Variants in ASB4 observed in about 807,000 individuals in gnomAD.
The protein encoded by ASB4 is ankyrin repeat and SOCS box containing 4, also known as ankyrin repeat and SOCS box protein 4.
In ASB4, 35 loss-of-function variants were observed where a neutral mutation model predicts 38.6. The observed-to-expected ratio is 0.91, with a 90% CI of 0.69 to 1.20. The LOEUF (loss-of-function observed/expected upper bound fraction) is 1.20, where lower values mean the gene tolerates loss of function less well. Among genes scored for constraint, ASB4 ranks in the 50% most tolerant of loss-of-function variants. The pLI is 0.00. For missense variants in ASB4, 557 were observed against 527.2 expected, an observed-to-expected ratio of 1.06 and a Z score of -0.55; for synonymous variants, 195 against 201.3, an observed-to-expected ratio of 0.97 and a Z score of 0.26.
intron 2 of ASB4, among the ~76,000 whole-genome samples, chr7:95,507,678 A>G (rs987506546): frequency 2.0e-5 from 3 of 152,206 alleles, no homozygotes; most frequent in Non-Finnish European, 4.4e-5. Context: ...TGAATGTTCA[A>G]TTGACAACAA....
chr7:95,482,677 T>C (rs1358663035), upstream of ASB4, among the ~76,000 whole-genome samples: 2 of 152,170 alleles, frequency 1.3e-5, no homozygotes, highest in Non-Finnish European at 2.9e-5. Flanking sequence ...TGGAGGGAGA[T>C]CAATAGGCTT....
intron 3 of ASB4, among the ~76,000 whole-genome samples, chr7:95,530,362 G>A (rs774448844): frequency 6.6e-6 from 1 of 152,162 alleles, no homozygotes; most frequent in Non-Finnish European, 1.5e-5. Flanking sequence ...CTACTTGGGA[G>A]GCTGAGGCAG....
intron 3 of ASB4, chr7:95,528,744 T>A (rs1790781021): frequency 1.0e-6 from 1 of 984,304 alleles, no homozygotes; most frequent in Non-Finnish European, 1.2e-6. Flanking sequence ...AGCTAACGTT[T>A]ATTAAGTACT....
intron 2 of ASB4, among the ~76,000 whole-genome samples, chr7:95,513,894 A>G (rs1010824533): frequency 7.2e-5 from 11 of 152,176 alleles, no homozygotes; most frequent in Non-Finnish European, 1.3e-4. Flanking sequence ...CTGTCTGTCA[A>G]TTCTGGTCCA....
upstream of ASB4, among the ~76,000 whole-genome samples, chr7:95,484,045 T>A (rs1451047468): frequency 8.4e-6 from 1 of 119,028 alleles, no homozygotes; most frequent in African/African-American, 3.3e-5. Flanking sequence ...AAAAAAAAAA[T>A]TGTCAGGCAT....
At chr7:95,504,436 A>G (rs1305187037) in intron 2 of ASB4, among the ~76,000 whole-genome samples, 2 of 152,192 alleles carry the variant, frequency 1.3e-5, no homozygotes, top group African/African-American at 4.8e-5. Flanking sequence ...CGAAATAGAT[A>G]TGCCTGCTGG....
chr7:95,528,593 G>A, intron 3 of ASB4: 2 of 1,377,706 alleles, frequency 1.5e-6, no homozygotes, highest in Non-Finnish European at 1.9e-6. Context: ...ACTGAGGTAA[G>A]TCTGCCAGAA....
At chr7:95,474,672 C>A (rs1052986926), upstream of ASB4, among the ~76,000 whole-genome samples, 8 of 152,172 alleles carry the variant, frequency 5.3e-5, no homozygotes, top group Admixed American at 5.2e-4. Flanking sequence ...CGGGCACATG[C>A]CACCATGCCA....
chr7:95,497,151 C>T (rs867132219), intron 2 of ASB4, among the ~76,000 whole-genome samples: 1 of 151,950 alleles, frequency 6.6e-6, no homozygotes, highest in Non-Finnish European at 1.5e-5. Context: ...AATGGAGCCA[C>T]AAAAAAGTTT....
downstream of ASB4, among the ~76,000 whole-genome samples, chr7:95,540,562 A>T (rs1584100458): frequency 6.6e-6 from 1 of 152,300 alleles, no homozygotes. Flanking sequence ...ACTGTCCACT[A>T]AACCCTGGGC....
intron 2 of ASB4, among the ~76,000 whole-genome samples, chr7:95,510,107 A>AT (rs1562815413): frequency 1.3e-5 from 2 of 151,682 alleles, no homozygotes; most frequent in Non-Finnish European, 2.9e-5. Context: ...CTATCCTAAG[A>AT]TTTTTTAAAG....
upstream of ASB4, among the ~76,000 whole-genome samples, chr7:95,484,229 G>A (rs1790053530): frequency 6.6e-6 from 1 of 152,096 alleles, no homozygotes; most frequent in Admixed American, 6.5e-5. Context: ...CTACTCCAGA[G>A]GCTGAGGTGG....
downstream of ASB4, among the ~76,000 whole-genome samples, chr7:95,540,511 C>T (rs1279787767): frequency 2.0e-5 from 3 of 152,204 alleles, no homozygotes; most frequent in Non-Finnish European, 2.9e-5. Context: ...TGCCTCTCAC[C>T]ATCTCTGTCC....
chr7:95,515,217 C>CTT (rs752644523), intron 2 of ASB4, among the ~76,000 whole-genome samples: 19 of 113,590 alleles, frequency 1.7e-4, no homozygotes, highest in Admixed American at 7.4e-4. Context: ...TTCTTTCTTT[C>CTT]TTTCTTTCTT....
Position 95,522,885 on chromosome 7 carries a change from T to C in ASB4, c.488-4928T>C, listed in dbSNP as rs111654837. On this transcript the variant is annotated intron_variant, in intron 2 of 4. Coordinates refer to ENST00000325885, the MANE Select transcript of ASB4 (RefSeq NM_016116.3). ...TCATTTACTATAATTCTAGACTAGT[T>C]CTGGAGACCCTCTTGCATAAATTAA... Among the ~76,000 whole-genome samples, 802 of 152,322 alleles carry C rather than the reference T, an allele frequency of 5.3e-3. 3 individuals carry two copies. Among genetic ancestry groups the C allele is most frequent in the African/African-American group, 0.017 (704 of 41,566 alleles).
At chr7:95,511,215 C>T (rs1298248842) in intron 2 of ASB4, among the ~76,000 whole-genome samples, 1 of 152,170 alleles carries the variant, frequency 6.6e-6, no homozygotes, top group African/African-American at 2.4e-5. Flanking sequence ...GGACCCCTCT[C>T]TTTTCCAAGA....
At chr7:95,500,381 A>G (rs2116598305) in intron 2 of ASB4, among the ~76,000 whole-genome samples, 1 of 152,076 alleles carries the variant, frequency 6.6e-6, no homozygotes, top group East Asian at 1.9e-4. Context: ...AGACTGGGCA[A>G]CATAGTGAGA....
At chr7:95,504,625 A>C (rs1328416651) in intron 2 of ASB4, among the ~76,000 whole-genome samples, 1 of 152,208 alleles carries the variant, frequency 6.6e-6, no homozygotes, top group Non-Finnish European at 1.5e-5. Context: ...CATCAAATTG[A>C]TATTACTTAT....
chr7:95,491,494 AG>A (rs1790170801), intron 1 of ASB4, among the ~76,000 whole-genome samples: 1 of 152,198 alleles, frequency 6.6e-6, no homozygotes, highest in South Asian at 2.1e-4. Context: ...AGGTGAGCAG[AG>A]GGGGGCTTTT....
Sources: gnomAD v4.1 joint callset for allele counts (sites outside exome capture counted in the v4.1 genomes callset) on GRCh38, gnomAD v4.1.1 for gene constraint, MANE v1.5 for transcripts, NCBI Gene and HGNC (gene_info 2026-07-23, HGNC 2026-07-21) for gene names.